Variants in DPP3 observed in about 807,000 individuals in gnomAD.
DPP3 encodes the protein DPP III.
In DPP3, 64 loss-of-function variants were observed where a neutral mutation model predicts 89.8. The ratio of observed to expected loss-of-function variants is 0.71; its 90% CI spans 0.58 to 0.88. DPP3 has a LOEUF of 0.88. DPP3 is among the 40% of genes least tolerant of loss of function. The pLI, the probability that DPP3 is intolerant of heterozygous loss-of-function variation, is 0.00. For synonymous variants in DPP3, 377 were observed against 404.3 expected, an observed-to-expected ratio of 0.93 and a Z score of 0.81; for missense variants, 835 against 972.5, an observed-to-expected ratio of 0.86 and a Z score of 1.88.
intron 6 of DPP3, among the ~76,000 whole-genome samples, 175 bp from the exon 7 acceptor site, chr11:66,491,078 T>A (rs1855370511): frequency 6.6e-6 from 1 of 152,112 alleles, no homozygotes; most frequent in Admixed American, 6.6e-5. Flanking sequence ...TGATATATAT[T>A]TTTTTGAAGT....
chr11:66,495,651 T>C lies in DPP3; in HGVS notation c.1599T>C (p.Ala533=). The change falls in exon 15 of 18, where the codon GCT becomes GCC. Residue 533 remains alanine, a synonymous_variant. Transcript: ENST00000531863. The part of the protein sequence containing the change: ...QVLEIFGFEG[A]DAEDVIYVNW... ...ACAGGATCTTTGGCTTTGAGGGGGC[T>C]GATGCGGAGGACGTGATCTACGTGA... The C allele has an allele frequency of 6.2e-7, 1 of 1,614,140 alleles. No homozygotes were observed. Among genetic ancestry groups the C allele is most frequent in the Non-Finnish European group, 8.5e-7 (1 of 1,180,002 alleles).
chr11:66,495,385 C>T lies in DPP3; in HGVS notation c.1473C>T (p.Ser491=), dbSNP rs200444436. ...TGEQIQSWYR[S]GETWDSKFST... ...TCCAGATTCAGAGCTGGTATCGGAG[C>T]GGGGAGACCTGGGATAGCAAGTTCA... Residue 491 remains serine (S), a synonymous_variant, in exon 14 of 18, where the codon AGC becomes AGT. Transcript: ENST00000531863. 33 of 1,613,592 alleles carry T rather than the reference C, an allele frequency of 2.0e-5. No homozygotes were observed. Among genetic ancestry groups the T allele is most frequent in the South Asian group, 4.4e-5 (4 of 91,062 alleles).
chr11:66,509,230 G>C lies in DPP3; in HGVS notation c.2193G>C (p.Glu731Asp). ...ADARFWKGPS[E>D]APSGQA is the part of the protein sequence containing the mutation. Reference sequence around the variant, plus strand: ...CCCGATTCTGGAAGGGCCCCAGTGAGGCCCCATCTGGCCAAGCTTGAGGAA... The same window carrying C: ...CCCGATTCTGGAAGGGCCCCAGTGACGCCCCATCTGGCCAAGCTTGAGGAA... The change falls in exon 18 of 18, where the codon GAG (glutamate) becomes GAC (aspartate). Residue 731 changes from glutamate (E) to aspartate (D), a missense_variant. Transcript: ENST00000531863. 1 of 1,612,090 alleles carries C rather than the reference G, an allele frequency of 6.2e-7. No homozygotes were observed. Among genetic ancestry groups the C allele is most frequent in the Non-Finnish European group, 8.5e-7 (1 of 1,179,104 alleles).
At chr11:66,487,193 G>C (rs1590733594) in intron 4 of DPP3, 75 bp from the exon 5 acceptor site, 2 of 1,453,774 alleles carry the variant, frequency 1.4e-6, no homozygotes, top group East Asian at 4.5e-5. Flanking sequence ...GGGGCGGGAA[G>C]CCTGGGAATA....
intron 3 of DPP3, among the ~76,000 whole-genome samples, chr11:66,485,829 T>C (rs1056733452): frequency 6.6e-6 from 1 of 152,218 alleles, no homozygotes; most frequent in African/African-American, 2.4e-5. Flanking sequence ...CACTTCAGCA[T>C]CAACCTCCTG....
At chr11:66,486,388 T>C in intron 3 of DPP3, 152 bp from the exon 4 acceptor site, 1 of 988,324 alleles carries the variant, frequency 1.0e-6, no homozygotes, top group South Asian at 3.3e-5. Flanking sequence ...ACGCTTGACA[T>C]TTCTCAGGAC....
chr11:66,487,053 G>A (rs1292150604), intron 4 of DPP3, among the ~76,000 whole-genome samples: 1 of 152,152 alleles, frequency 6.6e-6, no homozygotes, highest in African/African-American at 2.4e-5. Context: ...AGCCTTAGGG[G>A]TGGGCCAGCC....
intron 2 of DPP3, among the ~76,000 whole-genome samples, chr11:66,484,106 T>A (rs1377866394): frequency 6.6e-6 from 1 of 151,962 alleles, no homozygotes; most frequent in African/African-American, 2.4e-5. Flanking sequence ...GCCTCCTGAG[T>A]AGCTGGTATT....
chr11:66,486,808 CCACTGCAGGCCT>C, intron 4 of DPP3, 131 bp downstream of exon 4: 1 of 1,114,952 alleles, frequency 9.0e-7, no homozygotes, highest in Non-Finnish European at 1.2e-6. Context: ...ATGCTGCTCC[CCACTGCAGGCCT>C]CAGTTTTGTC....
chr11:66,490,988 C>T (rs1368228597), intron 6 of DPP3, among the ~76,000 whole-genome samples: 1 of 152,116 alleles, frequency 6.6e-6, no homozygotes, highest in Non-Finnish European at 1.5e-5. Flanking sequence ...AGACTGGTCA[C>T]GAACTTCAGA....
At chr11:66,506,535 G>A (rs563468239) in intron 17 of DPP3, among the ~76,000 whole-genome samples, 9 of 152,254 alleles carry the variant, frequency 5.9e-5, no homozygotes, top group Non-Finnish European at 7.3e-5. Context: ...GATTACAGGC[G>A]TGAGCCACCA....
rs79811244 is a variant in DPP3, at chr11:66,494,081, G to A, written c.1389+448G>A. Among the ~76,000 whole-genome samples, 8 of 152,286 alleles carry A rather than the reference G, an allele frequency of 5.3e-5. No individual in the cohort carries two copies. The East Asian group carries it at 1.4e-3, about 26-fold the overall frequency. ...TGAGGCAGCAGTGCTGTCTTTGTTT[G>A]CGCTGCTGTTCCGTGGAACCTGGGC... On this transcript the variant is annotated intron_variant, in intron 12 of 17. Transcript: ENST00000531863.
At chr11:66,483,019 C>CTTTTTTT (rs201088116) in intron 2 of DPP3, 1 of 139,818 alleles carries the variant, frequency 7.2e-6, no homozygotes, top group Non-Finnish European at 1.6e-5. Context: ...CTTTCTCTCT[C>CTTTTTTT]TTTTTTATTT....
intron 6 of DPP3, among the ~76,000 whole-genome samples, chr11:66,490,762 T>G (rs545240932): frequency 4.2e-5 from 6 of 143,528 alleles, no homozygotes; most frequent in East Asian, 2.1e-4. Context: ...TGTTTTGTTT[T>G]TTTTGTTTTG....
intron 15 of DPP3, among the ~76,000 whole-genome samples, chr11:66,496,223 G>T (rs923031514): frequency 6.6e-6 from 1 of 152,152 alleles, no homozygotes; most frequent in African/African-American, 2.4e-5. Flanking sequence ...TGGATATGGG[G>T]TAAGCAATAG....
At chr11:66,486,817 G>T (rs903748909) in intron 4 of DPP3, 140 bp downstream of exon 4, 2 of 1,089,938 alleles carry the variant, frequency 1.8e-6, no homozygotes, top group African/African-American at 1.6e-5. Context: ...CCCACTGCAG[G>T]CCTCAGTTTT....
At chr11:66,486,745 G>C (rs1855240752) in intron 4 of DPP3, 68 bp downstream of exon 4, 1 of 1,422,842 alleles carries the variant, frequency 7.0e-7, no homozygotes, top group Non-Finnish European at 9.2e-7. Flanking sequence ...CTGGTAAGGA[G>C]GGAAGGACAC....
chr11:66,481,332 T>C (rs1355729657), intron 1 of DPP3, among the ~76,000 whole-genome samples: 2 of 151,996 alleles, frequency 1.3e-5, no homozygotes, highest in African/African-American at 4.8e-5. Context: ...CTATCAAAAA[T>C]ACAAAAAATT....
chr11:66,497,145 C>T (rs1212254990), intron 15 of DPP3, among the ~76,000 whole-genome samples, 153 bp from the exon 16 acceptor site: 4 of 152,174 alleles, frequency 2.6e-5, no homozygotes, highest in Non-Finnish European at 2.9e-5. Context: ...GAAAAGGACC[C>T]GCAGGGTTGG....
Sources: allele counts gnomAD v4.1 joint callset (sites outside exome capture counted in the v4.1 genomes callset), GRCh38; gene constraint gnomAD v4.1.1; transcripts MANE v1.5; gene names NCBI Gene and HGNC (gene_info 2026-07-23, HGNC 2026-07-21).